ZNF804B: variants seen among roughly 807,000 people sequenced by gnomAD.
ZNF804B encodes zinc finger protein 804B, also known as zinc finger 804B.
ZNF804B carries 80 observed loss-of-function variants against 101.4 expected under a neutral mutation model. The observed-to-expected ratio is 0.79, with a 90% CI of 0.66 to 0.95. ZNF804B has a LOEUF of 0.95. Ranked by LOEUF, ZNF804B falls within the 40% of genes least tolerant of loss-of-function variation. ZNF804B has a pLI of 0.00. For synonymous variants in ZNF804B, 622 were observed against 558.8 expected, an observed-to-expected ratio of 1.11 and a Z score of -1.59; for missense variants, 1,673 against 1,561.9, an observed-to-expected ratio of 1.07 and a Z score of -1.20.
intron 2 of ZNF804B, among the ~76,000 whole-genome samples, chr7:89,276,006 G>A (rs564977048): frequency 1.3e-4 from 19 of 151,910 alleles, no homozygotes; most frequent in East Asian, 9.7e-4. Flanking sequence ...GAATGAGAGC[G>A]TGTTCTTTGC....
intron 1 of ZNF804B, among the ~76,000 whole-genome samples, chr7:88,817,820 T>C (rs527706140): frequency 1.3e-5 from 2 of 152,144 alleles, no homozygotes; most frequent in Admixed American, 6.5e-5. Context: ...TCTTACAATT[T>C]CCCCCCCTGA....
chr7:89,127,480 T>C (rs1790490392), intron 1 of ZNF804B, among the ~76,000 whole-genome samples: 2 of 151,884 alleles, frequency 1.3e-5, no homozygotes, highest in Non-Finnish European at 1.5e-5. Flanking sequence ...TGTTTTCTTC[T>C]TGAGAAAGTT....
At chr7:88,873,410 T>G (rs1791871594) in intron 1 of ZNF804B, among the ~76,000 whole-genome samples, 1 of 152,210 alleles carries the variant, frequency 6.6e-6, no homozygotes, top group East Asian at 1.9e-4. Context: ...GTTCTCCCAT[T>G]CTGTAGGTTG....
chr7:89,059,397 A>T (rs184615576), intron 1 of ZNF804B, among the ~76,000 whole-genome samples: 1 of 152,264 alleles, frequency 6.6e-6, no homozygotes, highest in East Asian at 1.9e-4. Flanking sequence ...TAATGGTGGG[A>T]GGCAAAAGGA....
intron 1 of ZNF804B, among the ~76,000 whole-genome samples, chr7:88,947,432 G>A (rs187955083): frequency 6.6e-6 from 1 of 151,904 alleles, no homozygotes; most frequent in African/African-American, 2.4e-5. Context: ...ATGAAACACT[G>A]CATGTTCTCA....
At chr7:88,948,630 C>T (rs755814017) in intron 1 of ZNF804B, among the ~76,000 whole-genome samples, 24 of 151,970 alleles carry the variant, frequency 1.6e-4, no homozygotes, top group Admixed American at 9.2e-4. Flanking sequence ...GATAAGAGCC[C>T]TGCCTAAATA....
intron 1 of ZNF804B, among the ~76,000 whole-genome samples, chr7:89,138,473 T>C (rs1422626103): frequency 6.6e-6 from 1 of 152,186 alleles, no homozygotes; most frequent in Non-Finnish European, 1.5e-5. Flanking sequence ...GATGAGACTT[T>C]GTACTGTAGA....
At chr7:88,969,804 T>G (rs1406425024) in intron 1 of ZNF804B, among the ~76,000 whole-genome samples, 1 of 151,680 alleles carries the variant, frequency 6.6e-6, no homozygotes, top group Non-Finnish European at 1.5e-5. Context: ...GGTAGTCATT[T>G]TCTTCCAATT....
chr7:89,194,512 G>C (rs1333347615), intron 1 of ZNF804B, among the ~76,000 whole-genome samples: 1 of 149,996 alleles, frequency 6.7e-6, no homozygotes, highest in Non-Finnish European at 1.5e-5. Flanking sequence ...AAGGGATCCA[G>C]TTTCAGCTTT....
intron 1 of ZNF804B, among the ~76,000 whole-genome samples, chr7:88,786,107 C>T (rs1417357637): frequency 6.6e-6 from 1 of 152,126 alleles, no homozygotes; most frequent in East Asian, 1.9e-4. Flanking sequence ...TTTTTCAGCT[C>T]ATCCTTGCTG....
intron 1 of ZNF804B, among the ~76,000 whole-genome samples, chr7:88,888,282 C>G (rs1251192143): frequency 6.6e-6 from 1 of 152,014 alleles, no homozygotes; most frequent in African/African-American, 2.4e-5. Flanking sequence ...ATCCTGGCTA[C>G]TTGGGAGGTT....
At chr7:89,003,392 A>C (rs977638902) in intron 1 of ZNF804B, among the ~76,000 whole-genome samples, 1 of 152,008 alleles carries the variant, frequency 6.6e-6, no homozygotes, top group South Asian at 2.1e-4. Flanking sequence ...TTATTTTGCT[A>C]AGTTCAGAAT....
intron 1 of ZNF804B, among the ~76,000 whole-genome samples, chr7:89,190,852 A>C (rs1788445758): frequency 6.6e-6 from 1 of 152,126 alleles, no homozygotes; most frequent in Non-Finnish European, 1.5e-5. Context: ...GATTGTTAGC[A>C]TTTTTTAGCA....
At chr7:89,105,687 C>A (rs963475896) in intron 1 of ZNF804B, among the ~76,000 whole-genome samples, 1 of 152,108 alleles carries the variant, frequency 6.6e-6, no homozygotes, top group African/African-American at 2.4e-5. Context: ...GCAAGCAACA[C>A]ACACGTGTTG....
At chr7:89,099,337 AAAAAT>A (rs1790018361) in intron 1 of ZNF804B, among the ~76,000 whole-genome samples, 1 of 152,098 alleles carries the variant, frequency 6.6e-6, no homozygotes, top group Non-Finnish European at 1.5e-5. Flanking sequence ...AAGGGGAAGA[AAAAAT>A]AATGTAAAGC....
intron 1 of ZNF804B, among the ~76,000 whole-genome samples, chr7:89,119,445 C>G (rs1268150274): frequency 6.6e-6 from 1 of 152,128 alleles, no homozygotes. Context: ...ACTAAACTAC[C>G]TTTCCAGCAA....
chr7:89,330,907 C>A (rs2115990919), intron 3 of ZNF804B, among the ~76,000 whole-genome samples: 1 of 150,784 alleles, frequency 6.6e-6, no homozygotes, highest in Admixed American at 6.6e-5. Context: ...AATAAAACAG[C>A]AGTACAGAAA....
chr7:89,332,315 C>T (rs924906420), intron 3 of ZNF804B, among the ~76,000 whole-genome samples: 2 of 151,754 alleles, frequency 1.3e-5, no homozygotes, highest in African/African-American at 4.8e-5. Flanking sequence ...CACTACTCTA[C>T]ATTAGAACTT....
intron 1 of ZNF804B, among the ~76,000 whole-genome samples, chr7:88,769,716 C>A (rs894596196): frequency 6.6e-6 from 1 of 152,116 alleles, no homozygotes; most frequent in Non-Finnish European, 1.5e-5. Flanking sequence ...CCCTGACCAA[C>A]GACCACTGCA....
Sources: allele counts gnomAD v4.1 joint callset (sites outside exome capture counted in the v4.1 genomes callset), GRCh38; gene constraint gnomAD v4.1.1; transcripts MANE v1.5; gene names NCBI Gene and HGNC (gene_info 2026-07-23, HGNC 2026-07-21).